Variants in MCTP2 observed in about 807,000 individuals in gnomAD.
The protein encoded by MCTP2 is multiple C2 and transmembrane domain-containing protein 2.
In MCTP2, 132 loss-of-function variants were observed where a neutral mutation model predicts 111.6. The observed-to-expected ratio is 1.18, with a 90% CI of 1.03 to 1.37. The LOEUF (loss-of-function observed/expected upper bound fraction) is 1.37, where lower values mean the gene tolerates loss of function less well. Ranked by LOEUF, MCTP2 falls within the 40% of genes most tolerant of loss-of-function variation. MCTP2 has a pLI of 0.00. For synonymous variants in MCTP2, 395 were observed against 387.7 expected, an observed-to-expected ratio of 1.02 and a Z score of -0.22; for missense variants, 1,183 against 1,067.9, an observed-to-expected ratio of 1.11 and a Z score of -1.50.
chr15:94,260,267 A>T (rs2073105818), intron 1 of MCTP2, among the ~76,000 whole-genome samples: 2 of 152,112 alleles, frequency 1.3e-5, no homozygotes, highest in Admixed American at 1.3e-4. Context: ...GTGCATTCAG[A>T]GGCTCTGCCA....
At chr15:94,341,913 T>TC (rs2077662874) in intron 7 of MCTP2, 1 of 152,188 alleles carries the variant, frequency 6.6e-6, no homozygotes, top group Admixed American at 6.5e-5. Flanking sequence ...AAGTATTTTT[T>TC]CTCATCCCAC....
intron 17 of MCTP2, among the ~76,000 whole-genome samples, chr15:94,417,527 A>T (rs959562221): frequency 2.0e-5 from 3 of 152,086 alleles, no homozygotes; most frequent in Non-Finnish European, 4.4e-5. Flanking sequence ...GTGTGCGCAC[A>T]TGTTTTAAGA....
At chr15:94,299,842 T>A (rs1287372191) in intron 2 of MCTP2, among the ~76,000 whole-genome samples, 1 of 152,230 alleles carries the variant, frequency 6.6e-6, no homozygotes, top group Non-Finnish European at 1.5e-5. Context: ...GGATCATGGA[T>A]GTTTGGAGGA....
chr15:94,426,074 A>G (rs547128471), intron 17 of MCTP2, among the ~76,000 whole-genome samples: 1 of 151,708 alleles, frequency 6.6e-6, no homozygotes, highest in South Asian at 2.1e-4. Context: ...CTGCCTTTCA[A>G]ACTTGCTTTT....
intron 20 of MCTP2, among the ~76,000 whole-genome samples, chr15:94,462,581 A>G (rs966020238): frequency 3.9e-5 from 6 of 152,248 alleles, no homozygotes; most frequent in Non-Finnish European, 7.3e-5. Flanking sequence ...GTGTCTTTGA[A>G]TTAAATCCTC....
rs1174012145 is a variant in MCTP2, at chr15:94,319,148, ATGCTCTGAC to A, written c.637+3513_637+3521del. Among the ~76,000 whole-genome samples, 15 of 151,184 alleles carry A rather than the reference ATGCTCTGAC, an allele frequency of 9.9e-5. No homozygotes were observed. In the East Asian group the frequency reaches 2.9e-3, roughly 29 times the overall value. On this transcript the variant is annotated intron_variant, in intron 4 of 22. Transcript: ENST00000357742. ...TTTTATACCTTGGGGATGCCTTCCT[ATGCTCTGAC>A]TATGTCAACTTCTGTTTGATTATCA... is the stretch of plus-strand genomic sequence containing the variant.
chr15:94,232,844 C>G (rs375170030), intron 1 of MCTP2, among the ~76,000 whole-genome samples: 23 of 152,278 alleles, frequency 1.5e-4, no homozygotes, highest in African/African-American at 5.5e-4. Flanking sequence ...TAAAAATTGT[C>G]AAAACCATGC....
chr15:94,240,128 A>C (rs1296306968), intron 1 of MCTP2, among the ~76,000 whole-genome samples: 1 of 152,122 alleles, frequency 6.6e-6, no homozygotes, highest in African/African-American at 2.4e-5. Context: ...TTTACAGGAC[A>C]CACAGATTTA....
chr15:94,459,167 C>T lies in MCTP2; in HGVS notation c.2360+921C>T, dbSNP rs533978488. The stretch of plus-strand genomic sequence containing the variant: ...CCCTTTAATCTAGAATTGTGTCAAC[C>T]GTGTTCTTTCTAAGGATTAATTCTT... On this transcript the variant is annotated intron_variant, in intron 20 of 22. Coordinates refer to ENST00000357742, the MANE Select transcript of MCTP2 (RefSeq NM_001385001.1). 2.8e-4 allele frequency among the ~76,000 whole-genome samples: 42 copies of T among 152,156 alleles called. No individual in the cohort carries two copies. The South Asian group carries it at 4.8e-3, about 17-fold the overall frequency.
intron 2 of MCTP2, among the ~76,000 whole-genome samples, chr15:94,302,714 C>T (rs2075681281): frequency 6.6e-6 from 1 of 152,182 alleles, no homozygotes; most frequent in Admixed American, 6.5e-5. Context: ...CACCATTATT[C>T]ACCTAGTTGT....
chr15:94,238,774 A>T (rs900905489), intron 1 of MCTP2, among the ~76,000 whole-genome samples: 4 of 152,216 alleles, frequency 2.6e-5, no homozygotes, highest in Admixed American at 2.0e-4. Flanking sequence ...GAGATGGAGA[A>T]GCACAGAGGG....
At chr15:94,417,012 T>G (rs1210863937) in intron 17 of MCTP2, among the ~76,000 whole-genome samples, 2 of 152,140 alleles carry the variant, frequency 1.3e-5, no homozygotes, top group Non-Finnish European at 2.9e-5. Flanking sequence ...TGAAGCAAAG[T>G]TTTATTGTTT....
chr15:94,474,750 A>G (rs2074211833), intron 21 of MCTP2, among the ~76,000 whole-genome samples: 1 of 152,208 alleles, frequency 6.6e-6, no homozygotes, highest in Admixed American at 6.5e-5. Flanking sequence ...TCGGTCTCAC[A>G]GAGTTGTGAA....
At chr15:94,360,810 C>T (rs1015523525) in intron 10 of MCTP2, among the ~76,000 whole-genome samples, 1 of 149,944 alleles carries the variant, frequency 6.7e-6, no homozygotes, top group East Asian at 1.9e-4. Context: ...ATATACCTGT[C>T]TTGGTGGTCA....
chr15:94,355,094 C>T (rs1406124659), intron 8 of MCTP2, among the ~76,000 whole-genome samples: 1 of 151,834 alleles, frequency 6.6e-6, no homozygotes, highest in African/African-American at 2.4e-5. Flanking sequence ...GGGATCCCGA[C>T]TCAGACAAAC....
chr15:94,244,983 T>G (rs199891287), intron 1 of MCTP2, among the ~76,000 whole-genome samples: 1 of 142,770 alleles, frequency 7.0e-6, no homozygotes, highest in Non-Finnish European at 1.6e-5. Context: ...CACATACATA[T>G]GCACCTGTTT....
intron 17 of MCTP2, among the ~76,000 whole-genome samples, chr15:94,420,455 C>T (rs1388723371): frequency 3.3e-5 from 5 of 152,080 alleles, no homozygotes; most frequent in African/African-American, 1.2e-4. Context: ...TAAGAACCTT[C>T]TTGAAAGGAT....
intron 20 of MCTP2, among the ~76,000 whole-genome samples, chr15:94,469,824 A>G (rs1331707076): frequency 6.6e-6 from 1 of 152,026 alleles, no homozygotes; most frequent in Non-Finnish European, 1.5e-5. Context: ...GTGAGCTATG[A>G]CTGCATCACT....
chr15:94,244,252 A>G (rs1341894291), intron 1 of MCTP2, among the ~76,000 whole-genome samples: 2 of 141,486 alleles, frequency 1.4e-5, no homozygotes, highest in East Asian at 2.0e-4. Flanking sequence ...GTATACACAT[A>G]TGTGTATATA....
Sources: gnomAD v4.1 joint callset for allele counts (sites outside exome capture counted in the v4.1 genomes callset) on GRCh38, gnomAD v4.1.1 for gene constraint, MANE v1.5 for transcripts, NCBI Gene and HGNC (gene_info 2026-07-23, HGNC 2026-07-21) for gene names.